Variants in SLC9C1 observed in about 807,000 individuals in gnomAD.
SLC9C1 encodes the protein sodium/hydrogen exchanger 10.
A neutral mutation model predicts 140.9 loss-of-function variants in SLC9C1; 97 were observed. The observed-to-expected ratio is 0.69, with a 90% confidence interval of 0.58 to 0.82. SLC9C1 has a LOEUF of 0.82. Ranked by LOEUF, SLC9C1 falls within the 40% of genes least tolerant of loss-of-function variation. The pLI, the probability that SLC9C1 is intolerant of heterozygous loss-of-function variation, is 0.00. For synonymous variants in SLC9C1, 440 were observed against 442.6 expected (o/e 0.99, Z 0.07); for missense variants, 1,340 against 1,389.3 (o/e 0.96, Z 0.56).
At chr3:112,190,645 C>A (rs1304622649) in intron 20 of SLC9C1, among the ~76,000 whole-genome samples, 4 of 151,942 alleles carry the variant, frequency 2.6e-5, no homozygotes, top group African/African-American at 9.7e-5. Context: ...GAAAATACTT[C>A]TATTCTTTGA....
chr3:112,141,297 A>G lies in SLC9C1; in HGVS notation c.3525-16T>C. ...TTACTCTTTCCTAATAGAAGCGGAAAGAAAAAACAAAAACATAGAGGGCTT... is the reference window on the plus strand; with the variant it reads ...TTACTCTTTCCTAATAGAAGCGGAAGGAAAAAACAAAAACATAGAGGGCTT... On this transcript the variant is annotated splice_polypyrimidine_tract_variant and intron_variant, in intron 28 of 28. Transcript: ENST00000305815. The G allele has an allele frequency of 6.3e-7, 1 of 1,581,096 alleles. No homozygotes were observed. Among genetic ancestry groups the G allele is most frequent in the Non-Finnish European group, 8.6e-7 (1 of 1,164,878 alleles).
Position 112,168,322 on chromosome 3 carries a change from TACACACACAC to T in SLC9C1, c.3237+545_3237+554del, listed in dbSNP as rs56965031. ...CTGATTCTCCCCCAACACAAAACAA[TACACACACAC>T]ACACACACACACACACACACACACA... On this transcript the variant is annotated intron_variant, in intron 25 of 28. Coordinates refer to ENST00000305815, the MANE Select transcript of SLC9C1 (RefSeq NM_183061.3). Among the ~76,000 whole-genome samples, 406 of 133,820 alleles carry T rather than the reference TACACACACAC, an allele frequency of 3.0e-3. 1 individual carries two copies. The highest frequency in any genetic ancestry group is 7.4e-3 in the Middle Eastern group (2 of 270). 87.8% of individuals were successfully genotyped at this position (133,820 alleles called of 152,430 possible). A position where few individuals can be genotyped will look rare whatever the true frequency, so the allele number is the denominator to read the frequency against.
chr3:112,199,837 A>G (rs1324689787), intron 19 of SLC9C1, among the ~76,000 whole-genome samples: 1 of 152,024 alleles, frequency 6.6e-6, no homozygotes, highest in African/African-American at 2.4e-5. Flanking sequence ...TTTTAACTAC[A>G]GATGATTTTG....
At position 112,286,711 on chromosome 3, in the gene SLC9C1, G is replaced by A; in HGVS notation, c.81C>T (p.Ser27=). The change falls in exon 2 of 29, where the codon TCC becomes TCT. Residue 27 remains serine, a synonymous_variant. Coordinates refer to ENST00000305815, the MANE Select transcript of SLC9C1 (RefSeq NM_183061.3). ...AGAGAGAGTGATACTTACCTCCAAT[G>A]GAGCTGATCAAAGACAATGTTAGAA... The part of the protein sequence containing the change: ...EVILTLSLIS[S]IGAFLNRHLE... 16 of 1,611,250 alleles carry A rather than the reference G, an allele frequency of 9.9e-6. No individual in the cohort carries two copies. Among genetic ancestry groups the A allele is most frequent in the Non-Finnish European group, 1.4e-5 (16 of 1,178,646 alleles).
intron 15 of SLC9C1, among the ~76,000 whole-genome samples, chr3:112,212,571 G>A (rs1262647640): frequency 2.0e-5 from 3 of 152,212 alleles, no homozygotes; most frequent in African/African-American, 7.2e-5. Flanking sequence ...ACAAGCTTCA[G>A]TAGCCAATTA....
At position 112,274,913 on chromosome 3, in the gene SLC9C1, T is replaced by C; in HGVS notation, c.597A>G (p.Lys199=). ...IMDFDQRLQS[K]RNHTLAEEIV... is the part of the protein sequence containing the mutation. ...TATACTTACCTAAGGTATGGTTTCT[T>C]TTACTTTGTAGTCTTTGGTCAAAAT... is the stretch of plus-strand genomic sequence containing the variant. The change falls in exon 6 of 29, where the codon AAA becomes AAG. Residue 199 remains lysine, a synonymous_variant. Coordinates refer to ENST00000305815, the MANE Select transcript of SLC9C1 (RefSeq NM_183061.3). The C allele has an allele frequency of 6.4e-7, 1 of 1,557,398 alleles. No individual in the cohort carries two copies. Among genetic ancestry groups the C allele is most frequent in the Non-Finnish European group, 8.6e-7 (1 of 1,161,562 alleles).
intron 12 of SLC9C1, among the ~76,000 whole-genome samples, chr3:112,238,148 G>C (rs1388198725): frequency 1.3e-5 from 2 of 152,154 alleles, no homozygotes; most frequent in African/African-American, 2.4e-5. Flanking sequence ...TGGAGACTTT[G>C]TTCATTTCTT....
chr3:112,165,490 T>C (rs1321014706), intron 26 of SLC9C1, among the ~76,000 whole-genome samples: 1 of 152,206 alleles, frequency 6.6e-6, no homozygotes, highest in Admixed American at 6.5e-5. Context: ...CTTCTAACAG[T>C]CAGGACCCTC....
At chr3:112,247,853 G>A (rs1325791433) in intron 10 of SLC9C1, among the ~76,000 whole-genome samples, 1 of 148,768 alleles carries the variant, frequency 6.7e-6, no homozygotes, top group African/African-American at 2.5e-5. Flanking sequence ...AATGTAAAGT[G>A]GTACTCAGTT....
At position 112,155,097 on chromosome 3, in the gene SLC9C1, T is replaced by TG. The variant is rs752450134; in HGVS notation, c.3365-49dup. ...GTGTTAATTCAACCACTGAAGCAAG[T>TG]GACTATTTCTATTAGTCCAACTATC... On this transcript the variant is annotated intron_variant, in intron 26 of 28. Transcript: ENST00000305815. 3.7e-5 allele frequency: 56 copies of TG among 1,499,834 alleles called. No homozygotes were observed. In the African/African-American group the frequency reaches 7.0e-4, roughly 19 times the overall value. 92.9% of individuals were successfully genotyped at this position (1,499,834 alleles called of 1,614,324 possible). A position where few individuals can be genotyped will look rare whatever the true frequency, so the allele number is the denominator to read the frequency against.
chr3:112,231,384 T>C lies in SLC9C1; in HGVS notation c.1549A>G (p.Arg517Gly), dbSNP rs1484393307. ...ACTATTTGTGCTGACAAGAGACGCC[T>C]GTTGGCCAGCTCCATTGCTTCAGTG... Reference protein sequence around the residue: ...FNTEAMELANRRLLSAQIASY... With the variant: ...FNTEAMELANGRLLSAQIASY... The change falls in exon 13 of 29, where the codon AGG becomes GGG. Residue 517 changes from arginine (R) to glycine (G), a missense_variant. Physicochemically the swap from Arg to Gly is moderately radical, Grantham distance 125. Transcript: ENST00000305815. The C allele has an allele frequency of 6.2e-7, 1 of 1,613,340 alleles. No individual in the cohort carries two copies. The highest frequency in any genetic ancestry group is 1.3e-5 in the African/African-American group (1 of 74,912).
intron 6 of SLC9C1, among the ~76,000 whole-genome samples, chr3:112,271,749 A>T (rs1231578479): frequency 6.6e-6 from 1 of 152,174 alleles, no homozygotes; most frequent in Non-Finnish European, 1.5e-5. Flanking sequence ...CACAGGAAAT[A>T]CAGAAAGAGG....
chr3:112,208,438 C>G (rs191111191), intron 15 of SLC9C1, 65 bp from the exon 16 acceptor site: 8 of 1,140,512 alleles, frequency 7.0e-6, no homozygotes, highest in Non-Finnish European at 8.5e-6. Flanking sequence ...CATATATACT[C>G]ATTTCTGTTC....
At chr3:112,269,490 C>T (rs1047798609) in intron 7 of SLC9C1, among the ~76,000 whole-genome samples, 1 of 152,120 alleles carries the variant, frequency 6.6e-6, no homozygotes, top group African/African-American at 2.4e-5. Context: ...AAATGTTCTT[C>T]GAGTTAATTT....
At chr3:112,252,150 T>A (rs1439850738) in intron 10 of SLC9C1, among the ~76,000 whole-genome samples, 3 of 152,172 alleles carry the variant, frequency 2.0e-5, no homozygotes, top group African/African-American at 7.2e-5. Flanking sequence ...GGCCACCATC[T>A]TTGCTGTTAC....
In SLC9C1 at chr3:112,291,498, C is replaced by G. The variant is rs146984947; in HGVS notation, c.-88+2595G>C. On this transcript the variant is annotated intron_variant, in intron 1 of 28. Transcript: ENST00000305815. ...AAAAAGAAGACATACATGCTGCCAA[C>G]AAGCATATGAAAAAAAAAGCTTAAC... 1.2e-3 allele frequency among the ~76,000 whole-genome samples: 185 copies of G among 151,656 alleles called. 2 individuals carry two copies. The East Asian group carries it at 0.021, about 17-fold the overall frequency.
At chr3:112,144,457 G>A (rs537440999) in intron 28 of SLC9C1, among the ~76,000 whole-genome samples, 8 of 151,918 alleles carry the variant, frequency 5.3e-5, no homozygotes, top group South Asian at 2.1e-4. Flanking sequence ...CACCACACCC[G>A]GCCATTTTTT....
At chr3:112,238,802 G>A (rs2079062354) in intron 12 of SLC9C1, among the ~76,000 whole-genome samples, 1 of 152,204 alleles carries the variant, frequency 6.6e-6, no homozygotes, top group African/African-American at 2.4e-5. Context: ...GTTGCTGTCT[G>A]ATTGTTCCTC....
intron 23 of SLC9C1, among the ~76,000 whole-genome samples, chr3:112,178,031 A>G (rs7639219): frequency 0.054 from 8,238 of 152,046 alleles, 269 homozygotes; most frequent in South Asian, 0.089. Context: ...AGGTCTCTTT[A>G]TAATTGGTTT....
Sources: gnomAD v4.1 joint callset for allele counts (sites outside exome capture counted in the v4.1 genomes callset) on GRCh38, gnomAD v4.1.1 for gene constraint, MANE v1.5 for transcripts, NCBI Gene and HGNC (gene_info 2026-07-23, HGNC 2026-07-21) for gene names.